TENT5D: variants seen among roughly 807,000 people sequenced by gnomAD.
The protein encoded by TENT5D is terminal nucleotidyltransferase 5D.
For missense variants in TENT5D, 191 were observed against 287.0 expected, an observed-to-expected ratio of 0.67 and a Z score of 2.42; for synonymous variants, 103 against 100.6, an observed-to-expected ratio of 1.02 and a Z score of -0.15.
upstream of TENT5D, among the ~76,000 whole-genome samples, chrX:80,418,145 G>A (rs1276672256): frequency 1.8e-5 from 2 of 110,371 alleles, no homozygotes; most frequent in Admixed American, 9.8e-5. Context: ...TACTTGAAAA[G>A]GGATCTTTAA....
intron 3 of TENT5D, among the ~76,000 whole-genome samples, chrX:80,412,505 T>G (rs1296085412): frequency 3.6e-5 from 4 of 112,621 alleles, no homozygotes; most frequent in African/African-American, 1.3e-4. Context: ...TCTGTTTTCC[T>G]TTTAAAATGG....
At chrX:80,405,408 G>A (rs969795698) in intron 3 of TENT5D, among the ~76,000 whole-genome samples, 1 of 112,460 alleles carries the variant, frequency 8.9e-6, no homozygotes, top group African/African-American at 3.2e-5. Context: ...CACCGTGCGC[G>A]AGCCGAAGCA....
chrX:80,442,381 G>T (rs898653301), intron 2 of TENT5D, 141 bp from the exon 3 acceptor site: 15 of 416,587 alleles, frequency 3.6e-5, no homozygotes, highest in Non-Finnish European at 5.7e-5. Context: ...ATTTAAACAT[G>T]ATTAAATATA....
chrX:80,411,049 A>G (rs866887367), intron 3 of TENT5D, among the ~76,000 whole-genome samples: 2 of 93,367 alleles, frequency 2.1e-5, no homozygotes, highest in African/African-American at 4.0e-5. Flanking sequence ...AACAATGAGA[A>G]CACATGGACA....
chrX:80,381,210 A>G (rs928337234), intron 3 of TENT5D, among the ~76,000 whole-genome samples: 6 of 111,038 alleles, frequency 5.4e-5, no homozygotes, highest in African/African-American at 2.0e-4. Context: ...TTTCCCCTTC[A>G]CTTATGAAGC....
At chrX:80,405,895 G>C (rs921934060) in intron 3 of TENT5D, among the ~76,000 whole-genome samples, 1 of 110,509 alleles carries the variant, frequency 9.0e-6, no homozygotes, top group African/African-American at 3.3e-5. Flanking sequence ...GCACGCAGCT[G>C]AAGATCTGAG....
At chrX:80,376,196 A>G (rs1930723420) in intron 3 of TENT5D, among the ~76,000 whole-genome samples, 1 of 111,310 alleles carries the variant, frequency 9.0e-6, no homozygotes, top group Non-Finnish European at 1.9e-5. Context: ...CTCTGTTTAA[A>G]GAACAAGAAG....
intron 3 of TENT5D, among the ~76,000 whole-genome samples, chrX:80,398,115 G>A (rs1405329808): frequency 2.7e-5 from 3 of 112,292 alleles, no homozygotes; most frequent in Non-Finnish European, 5.6e-5. Context: ...CGTCCTTGCT[G>A]GGGTGAGATG....
At chrX:80,407,628 T>G (rs1186402744) in intron 3 of TENT5D, among the ~76,000 whole-genome samples, 32 of 106,698 alleles carry the variant, frequency 3.0e-4, no homozygotes, top group African/African-American at 9.6e-4. Context: ...ACAAAGAGAC[T>G]TAGACTCCCA....
intron 1 of TENT5D, among the ~76,000 whole-genome samples, chrX:80,427,949 G>A (rs1027687042): frequency 1.8e-5 from 2 of 111,610 alleles, no homozygotes; most frequent in African/African-American, 3.3e-5. Flanking sequence ...GAGAAAAAAC[G>A]TTTTCCAGAA....
At chrX:80,381,772 C>T (rs188262591) in intron 3 of TENT5D, among the ~76,000 whole-genome samples, 7 of 112,038 alleles carry the variant, frequency 6.2e-5, no homozygotes, top group African/African-American at 1.9e-4. Flanking sequence ...CTTGTGCATG[C>T]GTCATGTAGT....
intron 3 of TENT5D, among the ~76,000 whole-genome samples, chrX:80,383,585 A>C (rs937192247): frequency 3.6e-5 from 4 of 112,421 alleles, no homozygotes; most frequent in African/African-American, 1.3e-4. Context: ...GGCCGGGCGC[A>C]TTGGCTCACG....
intron 1 of TENT5D, among the ~76,000 whole-genome samples, chrX:80,434,493 A>T (rs1464687717): frequency 8.9e-6 from 1 of 111,798 alleles, no homozygotes; most frequent in African/African-American, 3.2e-5. Context: ...AAAAATAAAC[A>T]TCTCTTTTTC....
intron 3 of TENT5D, among the ~76,000 whole-genome samples, chrX:80,394,213 C>T (rs900479407): frequency 1.8e-5 from 2 of 110,862 alleles, no homozygotes; most frequent in Non-Finnish European, 3.8e-5. Flanking sequence ...TCCTCACCAA[C>T]ACTTGTTATC....
chrX:80,362,793 G>A (rs923962561), intron 3 of TENT5D, among the ~76,000 whole-genome samples: 2 of 111,049 alleles, frequency 1.8e-5, no homozygotes, highest in Non-Finnish European at 3.8e-5. Flanking sequence ...TAAAGATTGT[G>A]AAATAAAACC....
At chrX:80,386,422 G>T (rs1184662570) in intron 3 of TENT5D, among the ~76,000 whole-genome samples, 1 of 110,508 alleles carries the variant, frequency 9.0e-6, no homozygotes, top group Admixed American at 9.7e-5. Flanking sequence ...GGGAGGAGTG[G>T]GGAGGGATAG....
chrX:80,411,152 A>C (rs1931656109), intron 3 of TENT5D, among the ~76,000 whole-genome samples: 2 of 104,701 alleles, frequency 1.9e-5, no homozygotes, highest in African/African-American at 3.5e-5. Flanking sequence ...CTGGATGACG[A>C]GTTAGTGGGT....
At chrX:80,443,882 G>T in exon 3 of TENT5D, 1 of 434,311 alleles carries the variant, frequency 2.3e-6, no homozygotes, top group Non-Finnish European at 3.9e-6. Flanking sequence ...AGCCATCATA[G>T]TAAATACAAT....
At chrX:80,443,561 A>G (rs766451023) in exon 3 of TENT5D, 2 of 1,209,014 alleles carry the variant, frequency 1.7e-6, no homozygotes, top group Admixed American at 2.2e-5. Context: ...ATTCTACCCA[A>G]TACACAAAAG....
Sources: allele counts gnomAD v4.1 joint callset (sites outside exome capture counted in the v4.1 genomes callset), GRCh38; gene constraint gnomAD v4.1.1; transcripts MANE v1.5; gene names NCBI Gene and HGNC (gene_info 2026-07-23, HGNC 2026-07-21).